The following RABL6 variants were observed in gnomAD, a reference collection of about 807,000 sequenced individuals.
The protein encoded by RABL6 is RAB, member RAS oncogene family like 6, also known as rab-like protein 6.
In RABL6, 28 loss-of-function variants were observed where a neutral mutation model predicts 72.9. That is an observed-to-expected ratio of 0.38 (90% CI 0.28 to 0.53). The LOEUF is 0.53. Among genes scored for constraint, RABL6 ranks in the 20% least tolerant of loss-of-function variants. The pLI is 0.80. For missense variants in RABL6, 1,029 were observed against 1,008.4 expected (o/e 1.02, Z -0.28); for synonymous variants, 477 against 421.2 (o/e 1.13, Z -1.62).
At position 136,829,546 on chromosome 9, in the gene RABL6, C is replaced by T. The variant is rs912110086; in HGVS notation, c.458+62C>T. Reference sequence around the variant, plus strand: ...CTCACCCCCCTAGCCCCTTGGGCGCCCTCTTTGTGCAGCAGATAATGGTTA... The same window carrying T: ...CTCACCCCCCTAGCCCCTTGGGCGCTCTCTTTGTGCAGCAGATAATGGTTA... On this transcript the variant is annotated intron_variant, in intron 5 of 14. Transcript: ENST00000311502. The T allele has an allele frequency of 7.2e-6, 10 of 1,393,682 alleles. No homozygotes were observed. In the Admixed American group the frequency reaches 1.6e-4, roughly 22 times the overall value. The allele number at this position is 1,393,682 out of a possible 1,614,324, so 86.3% of individuals were successfully genotyped here.
intron 7 of RABL6, chr9:136,834,223 TG>T (rs1848541839): frequency 8.3e-7 from 1 of 1,201,730 alleles, no homozygotes; most frequent in Non-Finnish European, 1.0e-6. Context: ...AAAAATCAGT[TG>T]TTTTTTTAAC....
At position 136,840,683 on chromosome 9, in the gene RABL6, G is replaced by A; in HGVS notation, c.*161G>A. 1.9e-6 allele frequency: 3 copies of A among 1,549,194 alleles called. No individual in the cohort carries two copies. Among genetic ancestry groups the A allele is most frequent in the Non-Finnish European group, 1.7e-6 (2 of 1,146,840 alleles). ...ATTGGTGGTCCCCAGGCTGGGCCCT[G>A]CAGGTGCTGGGCCTTCAGGCCCAGT... On this transcript the variant is annotated 3_prime_UTR_variant, in exon 15 of 15. Transcript: ENST00000311502.
intron 8 of RABL6, chr9:136,836,414 G>A (rs572660989): frequency 1.3e-5 from 2 of 152,710 alleles, no homozygotes; most frequent in African/African-American, 4.8e-5. Flanking sequence ...ACCCAGGCAG[G>A]GACCACGGAA....
chr9:136,829,916 C>T (rs1848436245), intron 5 of RABL6, among the ~76,000 whole-genome samples: 1 of 152,230 alleles, frequency 6.6e-6, no homozygotes, highest in Non-Finnish European at 1.5e-5. Flanking sequence ...GCACACAGGA[C>T]GATCTCTGGG....
Position 136,826,202 on chromosome 9 carries a change from A to C in RABL6, c.313+376A>C, listed in dbSNP as rs1564365250. Among the ~76,000 whole-genome samples, 1 of 152,126 alleles carries C rather than the reference A, an allele frequency of 6.6e-6. No homozygotes were observed. The highest frequency in any genetic ancestry group is 1.5e-5 in the Non-Finnish European group (1 of 67,990). On this transcript the variant is annotated intron_variant, in intron 3 of 14. Transcript: ENST00000311502. This position sits in a 1 kb window ranked among gnomAD's most constrained non-coding sequence, Gnocchi z 4.9. ...GCCCCCTGCCCATAGCTGAGGACCC[A>C]GCTCCTGCGCTCCTGTCCCTGCCAG...
chr9:136,835,529 G>C, intron 7 of RABL6: 1 of 541,980 alleles, frequency 1.8e-6, no homozygotes, highest in South Asian at 2.5e-5. Context: ...GCAGTGTGTA[G>C]GTGTCGTGCC....
intron 1 of RABL6, chr9:136,821,840 G>A: frequency 1.7e-6 from 2 of 1,204,170 alleles, no homozygotes; most frequent in Non-Finnish European, 1.1e-6. Flanking sequence ...CGCGGGGTGG[G>A]CTCGGCCGGG....
chr9:136,807,949 G>A lies in RABL6; in HGVS notation c.-248G>A. 1.0e-6 allele frequency: 1 copy of A among 1,000,078 alleles called. No individual in the cohort carries two copies. The highest frequency in any genetic ancestry group is 6.0e-5 in the Admixed American group (1 of 16,588). The allele number at this position is 1,000,078 out of a possible 1,614,324, so 62.0% of individuals were successfully genotyped here. On this transcript the variant is annotated 5_prime_UTR_variant, in exon 1 of 15. Transcript: ENST00000311502. ...TCCCGTCCCGCCGAGCCGGCGCCAAGATGGCGGCGCTGACTCCTGGAGAGC... is the reference window on the plus strand; with the variant it reads ...TCCCGTCCCGCCGAGCCGGCGCCAAAATGGCGGCGCTGACTCCTGGAGAGC...
chr9:136,822,254 C>T (rs958231748), intron 1 of RABL6, among the ~76,000 whole-genome samples: 3 of 152,120 alleles, frequency 2.0e-5, no homozygotes, highest in Non-Finnish European at 4.4e-5. Context: ...GGGGAGCGGG[C>T]GGGAGGCCCG....
At chr9:136,823,872 C>T (rs1204537083) in intron 2 of RABL6, among the ~76,000 whole-genome samples, 4 of 152,238 alleles carry the variant, frequency 2.6e-5, no homozygotes, top group Non-Finnish European at 4.4e-5. Context: ...CCCCACTGAC[C>T]TGGGAGGCTC....
intron 1 of RABL6, chr9:136,812,676 C>T (rs1278149252): frequency 9.6e-6 from 2 of 209,066 alleles, no homozygotes; most frequent in African/African-American, 4.7e-5. Flanking sequence ...GGACTGTAGA[C>T]TGTCTTGGAA....
At chr9:136,832,045 G>T in intron 6 of RABL6, 184 bp downstream of exon 6, 1 of 1,040,408 alleles carries the variant, frequency 9.6e-7, no homozygotes, top group Non-Finnish European at 1.4e-6. Context: ...GGAACTGTGT[G>T]CTGGGGAACT....
intron 1 of RABL6, among the ~76,000 whole-genome samples, chr9:136,820,814 A>T (rs1848221068): frequency 6.6e-6 from 1 of 152,232 alleles, no homozygotes. Context: ...TCCGAATAAT[A>T]TATATTACGA....
chr9:136,810,359 A>G (rs1424943452), intron 1 of RABL6, among the ~76,000 whole-genome samples: 1 of 152,234 alleles, frequency 6.6e-6, no homozygotes, highest in African/African-American at 2.4e-5. Flanking sequence ...AGTCTCCAGT[A>G]CTTGGAGAAC....
At position 136,825,934 on chromosome 9, in the gene RABL6, G is replaced by T. The variant is rs1588359707; in HGVS notation, c.313+108G>T. 24 of 1,339,564 alleles carry T rather than the reference G, an allele frequency of 1.8e-5. 1 individual carries two copies. The East Asian group carries it at 5.6e-4, about 31-fold the overall frequency. 83.0% of individuals were successfully genotyped at this position (1,339,564 alleles called of 1,614,324 possible). On this transcript the variant is annotated intron_variant, in intron 3 of 14. Transcript: ENST00000311502. Reference sequence around the variant, plus strand: ...CCATGCATCACCCACCATCCTCGTGGACGGTGCCCAGGGTCTTGCTGCTCT... The same window carrying T: ...CCATGCATCACCCACCATCCTCGTGTACGGTGCCCAGGGTCTTGCTGCTCT...
rs1159534631 is a variant in RABL6, at chr9:136,840,647, A to G, written c.*125A>G. 6.5e-7 allele frequency: 1 copy of G among 1,549,612 alleles called. No homozygotes were observed. Among genetic ancestry groups the G allele is most frequent in the Admixed American group, 2.0e-5 (1 of 51,004 alleles). On this transcript the variant is annotated 3_prime_UTR_variant, in exon 15 of 15. Transcript: ENST00000311502. Reference sequence around the variant, plus strand: ...CTGCCGTGTGCGCTTCTGAGCTGGAAGAGGCCGGGCATTGGTGGTCCCCAG... The same window carrying G: ...CTGCCGTGTGCGCTTCTGAGCTGGAGGAGGCCGGGCATTGGTGGTCCCCAG...
chr9:136,821,661 C>G, intron 1 of RABL6: 11 of 989,686 alleles, frequency 1.1e-5, no homozygotes, highest in Non-Finnish European at 1.3e-5. Context: ...TCTCGGGCCT[C>G]CCGCCGCGCT....
Position 136,839,690 on chromosome 9 carries a change from C to T in RABL6, c.1759-4C>T, listed in dbSNP as rs867796162. 1.3e-6 allele frequency: 2 copies of T among 1,577,390 alleles called. No individual in the cohort carries two copies. The highest frequency in any genetic ancestry group is 1.7e-6 in the Non-Finnish European group (2 of 1,158,516). ...GGCCTGACCAGTTGCTCTCCCTGCT[C>T]CAGGATGACTTTCCCGTGCGAGATG... is the stretch of plus-strand genomic sequence containing the variant. On this transcript the variant is annotated splice_region_variant and splice_polypyrimidine_tract_variant and intron_variant, in intron 12 of 14. Coordinates refer to ENST00000311502, the MANE Select transcript of RABL6 (RefSeq NM_024718.5).
Position 136,811,782 on chromosome 9 carries a change from G to A in RABL6, c.130+3456G>A, listed in dbSNP as rs111768903. ...GCTGGGATTACAGGCGTGAGCCACCGCGCCTGGCCAGATTATGTTTCTTAT... is the reference window on the plus strand; with the variant it reads ...GCTGGGATTACAGGCGTGAGCCACCACGCCTGGCCAGATTATGTTTCTTAT... On this transcript the variant is annotated intron_variant, in intron 1 of 14. Coordinates refer to ENST00000311502, the MANE Select transcript of RABL6 (RefSeq NM_024718.5). Among the ~76,000 whole-genome samples, 85 of 152,162 alleles carry A rather than the reference G, an allele frequency of 5.6e-4. 3 individuals are homozygous for A. The highest frequency in any genetic ancestry group is 1.8e-3 in the African/African-American group (76 of 41,518).
Sources: allele counts gnomAD v4.1 joint callset (sites outside exome capture counted in the v4.1 genomes callset), GRCh38; gene constraint gnomAD v4.1.1; non-coding constraint Gnocchi (gnomAD v3.1); transcripts MANE v1.5; gene names NCBI Gene and HGNC (gene_info 2026-07-23, HGNC 2026-07-21).